Variants in MFGE8 observed in about 807,000 individuals in gnomAD.
MFGE8 encodes lactadherin.
A neutral mutation model predicts 42.6 loss-of-function variants in MFGE8; 34 were observed. The observed-to-expected ratio is 0.80, with a 90% CI of 0.61 to 1.06. The LOEUF (loss-of-function observed/expected upper bound fraction) is 1.06, where lower values mean the gene tolerates loss of function less well. MFGE8 is among the 50% of genes least tolerant of loss of function. The pLI is 0.00. For missense variants in MFGE8, 510 were observed against 516.9 expected, an observed-to-expected ratio of 0.99 and a Z score of 0.13; for synonymous variants, 230 against 214.8, an observed-to-expected ratio of 1.07 and a Z score of -0.62.
intron 6 of MFGE8, among the ~76,000 whole-genome samples, chr15:88,901,211 A>C: frequency 7.6e-6 from 1 of 131,248 alleles, no homozygotes; most frequent in Admixed American, 8.2e-5. Context: ...ATTCACACAC[A>C]CACATTCACA....
At chr15:88,910,643 G>A (rs928012171) in intron 1 of MFGE8, 2 of 156,746 alleles carry the variant, frequency 1.3e-5, no homozygotes, top group Non-Finnish European at 2.8e-5. Flanking sequence ...AAGTTCCCCA[G>A]AGGAGGGAAT....
In MFGE8 at chr15:88,902,452, C is replaced by T. The variant is rs1198027183; in HGVS notation, c.686-717G>A. The T allele has an allele frequency of 1.3e-5, 2 of 152,406 alleles. No individual in the cohort carries two copies. The highest frequency in any genetic ancestry group is 2.9e-5 in the Non-Finnish European group (2 of 68,096). 9.4% of individuals were successfully genotyped at this position (152,406 alleles called of 1,614,324 possible). A position where few individuals can be genotyped will look rare whatever the true frequency, so the allele number is the denominator to read the frequency against. Reference sequence around the variant, plus strand: ...AGTGATGAACAGGACAACATCCCTGCCCTCCAGCAGCTGGCAGTTAGAGAA... The same window carrying T: ...AGTGATGAACAGGACAACATCCCTGTCCTCCAGCAGCTGGCAGTTAGAGAA... On this transcript the variant is annotated intron_variant, in intron 5 of 7. Coordinates refer to ENST00000268150, the MANE Select transcript of MFGE8 (RefSeq NM_005928.4). The surrounding 1 kb of genome is among the most constrained non-coding windows in gnomAD (Gnocchi z 4.3).
Position 88,911,683 on chromosome 15 carries a change from C to T in MFGE8, c.73+1564G>A, listed in dbSNP as rs979192332. Among the ~76,000 whole-genome samples the T allele has an allele frequency of 4.0e-5, 6 of 151,868 alleles. No homozygotes were observed. The South Asian group carries it at 8.3e-4, about 21-fold the overall frequency. ...CGAAGCTTGTAGTGAGCCAAGACCG[C>T]GCCACTGCACTCCAGCCTGGGCGAC... On this transcript the variant is annotated intron_variant, in intron 1 of 7. Transcript: ENST00000268150.
At chr15:88,912,842 CAA>C (rs761181250) in intron 1 of MFGE8, 2 of 985,306 alleles carry the variant, frequency 2.0e-6, no homozygotes, top group African/African-American at 1.7e-5. Flanking sequence ...ATGGCCAGGA[CAA>C]AGTTATCCAG....
At chr15:88,907,055 A>T in intron 3 of MFGE8, 140 bp downstream of exon 3, 3 of 1,139,492 alleles carry the variant, frequency 2.6e-6, no homozygotes, top group Non-Finnish European at 3.8e-6. Context: ...CCATCCACTT[A>T]CAGATACTTC....
rs1898244594 is a variant in MFGE8, at chr15:88,899,221, C to T, written c.*174G>A. 1 of 849,672 alleles carries T rather than the reference C, an allele frequency of 1.2e-6. No individual in the cohort carries two copies. Among genetic ancestry groups the T allele is most frequent in the Non-Finnish European group, 1.8e-6 (1 of 541,880 alleles). The allele number at this position is 849,672 out of a possible 1,614,324, so 52.6% of individuals were successfully genotyped here. On this transcript the variant is annotated 3_prime_UTR_variant, in exon 8 of 8. Transcript: ENST00000268150. This position sits in a 1 kb window ranked among gnomAD's most constrained non-coding sequence, Gnocchi z 6.8. Reference sequence around the variant, plus strand: ...CGGGGCTTAGGGGCTGGGGCAGGGCCCGTGAGAGGTGGAGGGTGGGAAAGA... The same window carrying T: ...CGGGGCTTAGGGGCTGGGGCAGGGCTCGTGAGAGGTGGAGGGTGGGAAAGA...
In MFGE8 at chr15:88,910,029, C is replaced by CA. The variant is rs61582705; in HGVS notation, c.74-107_74-106insT. On this transcript the variant is annotated intron_variant, in intron 1 of 7. Coordinates refer to ENST00000268150, the MANE Select transcript of MFGE8 (RefSeq NM_005928.4). ...CCCAAAAGGACCCTCCACTCAAACT[C>CA]GCCCATTATCTCTTCCTCTCCCTCT... is the stretch of plus-strand genomic sequence containing the variant. The CA allele has an allele frequency of 4.7e-3, 6,577 of 1,398,918 alleles. 275 individuals are homozygous for CA. The African/African-American group carries it at 0.081, about 17-fold the overall frequency. The allele number at this position is 1,398,918 out of a possible 1,614,324, so 86.7% of individuals were successfully genotyped here.
At chr15:88,910,084 C>T (rs527676406) in intron 1 of MFGE8, 161 bp from the exon 2 acceptor site, 287 of 889,308 alleles carry the variant, frequency 3.2e-4, no homozygotes, top group Non-Finnish European at 4.4e-4. Context: ...AGCCTGAGTC[C>T]GCCTAGAGCC....
In MFGE8 at chr15:88,907,937, T is replaced by C. The variant is rs963439057; in HGVS notation, c.206-561A>G. 7.8e-4 allele frequency among the ~76,000 whole-genome samples: 118 copies of C among 152,156 alleles called. 3 individuals are homozygous for C. Among genetic ancestry groups the C allele is most frequent in the Non-Finnish European group, 2.1e-4 (14 of 68,024 alleles). ...GGATAGCAGTGAACAGTACCAGCAC[T>C]GTACACAAAGAAAGAAGCTAATCTG... On this transcript the variant is annotated intron_variant, in intron 2 of 7. Transcript: ENST00000268150.
At chr15:88,901,527 C>T in intron 6 of MFGE8, 24 bp downstream of exon 6, 2 of 1,490,794 alleles carry the variant, frequency 1.3e-6, no homozygotes, top group Non-Finnish European at 1.9e-6. Context: ...ACCCCAGCCC[C>T]ATATCCCAAG....
chr15:88,911,328 C>G (rs377758675), intron 1 of MFGE8, among the ~76,000 whole-genome samples: 42 of 152,270 alleles, frequency 2.8e-4, no homozygotes, highest in Non-Finnish European at 2.8e-4. Flanking sequence ...TCTGGTGGGT[C>G]GGCCGGGCCC....
intron 1 of MFGE8, among the ~76,000 whole-genome samples, chr15:88,911,668 A>G (rs1052622994): frequency 6.6e-6 from 1 of 152,056 alleles, no homozygotes; most frequent in African/African-American, 2.4e-5. Flanking sequence ...CGAAGCTTGT[A>G]GTGAGCCAAG....
rs374929876 is a variant in MFGE8 at position 88,909,631 on chromosome 15, GCT to G, written c.205+159_205+160del. 4.5e-4 allele frequency among the ~76,000 whole-genome samples: 69 copies of G among 152,346 alleles called. No homozygotes were observed. In the East Asian group the frequency reaches 0.01, roughly 23 times the overall value. ...CTTTTCCCCCCTCGGTCTAACTGAG[GCT>G]CTGTCTCTCTCTCTGAGTCTCCCCA... On this transcript the variant is annotated intron_variant, in intron 2 of 7. Coordinates refer to ENST00000268150, the MANE Select transcript of MFGE8 (RefSeq NM_005928.4).
intron 1 of MFGE8, chr15:88,912,257 G>C (rs1337898793): frequency 7.8e-7 from 1 of 1,289,718 alleles, no homozygotes; most frequent in South Asian, 1.2e-5. Context: ...GTTCAGGTTG[G>C]GGGGTACAGG....
Position 88,902,249 on chromosome 15 carries a change from A to G in MFGE8, c.686-514T>C, listed in dbSNP as rs904758398. On this transcript the variant is annotated intron_variant, in intron 5 of 7. Coordinates refer to ENST00000268150, the MANE Select transcript of MFGE8 (RefSeq NM_005928.4). The surrounding 1 kb of genome is among the most constrained non-coding windows in gnomAD (Gnocchi z 4.3). Reference sequence around the variant, plus strand: ...CATTTAACCTGCCACCAAAAAAAAAAAGAAAAAAAAACACTAAATGAAGTA... The same window carrying G: ...CATTTAACCTGCCACCAAAAAAAAAGAGAAAAAAAAACACTAAATGAAGTA... The G allele has an allele frequency of 3.6e-4, 57 of 157,388 alleles. No homozygotes were observed. The highest frequency in any genetic ancestry group is 3.2e-3 in the Middle Eastern group (1 of 316). 9.7% of individuals were successfully genotyped at this position (157,388 alleles called of 1,614,324 possible).
Position 88,899,487 on chromosome 15 carries a change from A to G in MFGE8, c.1072T>C (p.Phe358Leu). 1 of 1,614,168 alleles carries G rather than the reference A, an allele frequency of 6.2e-7. No homozygotes were observed. The highest frequency in any genetic ancestry group is 1.1e-5 in the South Asian group (1 of 91,088). ...TAGCGAGCCAGGATGGGCGTCTCAA[A>G]CAAGTTCTTCTTGTGGGAGTGGTTG... ...WDNHSHKKNL[F>L]ETPILARYVR... Residue 358 changes from phenylalanine (F) to leucine (L), a missense_variant, in exon 8 of 8, where the codon TTT becomes CTT. Transcript: ENST00000268150. This position sits in a 1 kb window ranked among gnomAD's most constrained non-coding sequence, Gnocchi z 6.8.
Position 88,905,394 on chromosome 15 carries a change from G to A in MFGE8, c.685+363C>T, listed in dbSNP as rs1350584657. 6.5e-6 allele frequency: 3 copies of A among 462,706 alleles called. No individual in the cohort carries two copies. The highest frequency in any genetic ancestry group is 1.3e-5 in the Non-Finnish European group (3 of 236,566). The allele number at this position is 462,706 out of a possible 1,614,324, so 28.7% of individuals were successfully genotyped here. A position where few individuals can be genotyped will look rare whatever the true frequency, so the allele number is the denominator to read the frequency against. ...CATTCTAGGCCCTGGGAATACCGAA[G>A]CAAACAAAACAGACAGATTCTCTGC... On this transcript the variant is annotated intron_variant, in intron 5 of 7. Transcript: ENST00000268150. The surrounding 1 kb of genome is among the most constrained non-coding windows in gnomAD (Gnocchi z 6.6).
At chr15:88,900,577 G>A (rs1454118926) in intron 6 of MFGE8, 3 of 329,280 alleles carry the variant, frequency 9.1e-6, no homozygotes, top group South Asian at 1.2e-4. Context: ...TCCTGTCCCC[G>A]GTCCCTGACC....
chr15:88,900,465 C>T lies in MFGE8; in HGVS notation c.871-654G>A, dbSNP rs1230292575. Among the ~76,000 whole-genome samples the T allele has an allele frequency of 2.6e-5, 4 of 152,292 alleles. No individual in the cohort carries two copies. In the East Asian group the frequency reaches 5.8e-4, roughly 22 times the overall value. Reference sequence around the variant, plus strand: ...GAACTGCTCTAGAGGCTCCCTGCGGCGCCGCCCACAGTCTGACACTGGTCC... The same window carrying T: ...GAACTGCTCTAGAGGCTCCCTGCGGTGCCGCCCACAGTCTGACACTGGTCC... On this transcript the variant is annotated intron_variant, in intron 6 of 7. Transcript: ENST00000268150.
Sources: allele counts gnomAD v4.1 joint callset (sites outside exome capture counted in the v4.1 genomes callset), GRCh38; gene constraint gnomAD v4.1.1; non-coding constraint Gnocchi (gnomAD v3.1); transcripts MANE v1.5; gene names NCBI Gene and HGNC (gene_info 2026-07-23, HGNC 2026-07-21).